KLHL14: variants seen among roughly 807,000 people sequenced by gnomAD.
The protein encoded by KLHL14 is kelch-like protein 14.
In KLHL14, 22 loss-of-function variants were observed where a neutral mutation model predicts 64.3. The ratio of observed to expected loss-of-function variants is 0.34; its 90% CI spans 0.24 to 0.49. The LOEUF is 0.49. Ranked by LOEUF, KLHL14 falls within the 20% of genes least tolerant of loss-of-function variation. The probability of loss-of-function intolerance (pLI) is 0.99; values close to 1 mark genes in which losing one functional copy is unlikely to be tolerated. For missense variants in KLHL14, 661 were observed against 789.0 expected (o/e 0.84, Z 1.94); for synonymous variants, 322 against 333.4 (o/e 0.97, Z 0.37).
Position 32,709,291 on chromosome 18 carries a change from T to C in KLHL14, c.1070-13739A>G, listed in dbSNP as rs188736615. ...GCTCTTCTCTCTGCCTCTGACATGT[T>C]TTTCCTTTGAATATTCTCATGGTTC... is the stretch of plus-strand genomic sequence containing the variant. On this transcript the variant is annotated intron_variant, in intron 3 of 8. Transcript: ENST00000359358. Among the ~76,000 whole-genome samples the C allele has an allele frequency of 3.3e-4, 51 of 152,244 alleles. 1 individual carries two copies. The East Asian group carries it at 9.3e-3, about 28-fold the overall frequency.
In KLHL14 at chr18:32,704,298, A is replaced by G. The variant is rs1192736956; in HGVS notation, c.1070-8746T>C. Among the ~76,000 whole-genome samples, 9 of 152,284 alleles carry G rather than the reference A, an allele frequency of 5.9e-5. 2 individuals are homozygous for G. Among genetic ancestry groups the G allele is most frequent in the Admixed American group, 5.2e-4 (8 of 15,292 alleles). ...AGTTATTGAGGGCAGAAGGAAGGAA[A>G]TGGGTGTGGCCTACATAATGAGGAT... On this transcript the variant is annotated intron_variant, in intron 3 of 8. Transcript: ENST00000359358.
At chr18:32,698,795 C>T (rs1383651142) in intron 3 of KLHL14, among the ~76,000 whole-genome samples, 6 of 152,160 alleles carry the variant, frequency 3.9e-5, no homozygotes, top group Admixed American at 2.0e-4. Context: ...CATTTCATTT[C>T]ATCTCTAAAT....
Position 32,758,186 on chromosome 18 carries a change from G to A in KLHL14, c.947+11459C>T, listed in dbSNP as rs552571948. Among the ~76,000 whole-genome samples, 3 of 151,940 alleles carry A rather than the reference G, an allele frequency of 2.0e-5. No individual in the cohort carries two copies. The South Asian group carries it at 6.2e-4, about 32-fold the overall frequency. On this transcript the variant is annotated intron_variant, in intron 2 of 8. Transcript: ENST00000359358. ...TGCCCAGGCTGGAGTGCAGTGGACC[G>A]ATCACAGCTCACTGCAGCCTCAAAC...
At chr18:32,757,328 A>G (rs1361311769) in intron 2 of KLHL14, among the ~76,000 whole-genome samples, 2 of 152,210 alleles carry the variant, frequency 1.3e-5, no homozygotes, top group Non-Finnish European at 2.9e-5. Flanking sequence ...GTAGCAAAGG[A>G]AAGATGAAAC....
chr18:32,698,289 G>A (rs550365304), intron 3 of KLHL14, among the ~76,000 whole-genome samples: 10 of 152,280 alleles, frequency 6.6e-5, no homozygotes, highest in Non-Finnish European at 1.2e-4. Flanking sequence ...CTCGCAAGCA[G>A]ATAGTGGGGG....
At position 32,761,393 on chromosome 18, in the gene KLHL14, C is replaced by CTTTTTT. The variant is rs10676001; in HGVS notation, c.947+8246_947+8251dup. Among the ~76,000 whole-genome samples, 508 of 127,046 alleles carry CTTTTTT rather than the reference C, an allele frequency of 4.0e-3. 9 individuals are homozygous for CTTTTTT. Among genetic ancestry groups the CTTTTTT allele is most frequent in the Non-Finnish European group, 5.3e-3 (334 of 62,650 alleles). 83.3% of individuals were successfully genotyped at this position (127,046 alleles called of 152,430 possible). A position where few individuals can be genotyped will look rare whatever the true frequency, so the allele number is the denominator to read the frequency against. On this transcript the variant is annotated intron_variant, in intron 2 of 8. Transcript: ENST00000359358. ...CTTGCCACAAATGTAGCCACACATCCTTTTTTTTTTTTTTTTTTTAAGTTC... is the reference window on the plus strand; with the variant it reads ...CTTGCCACAAATGTAGCCACACATCCTTTTTTTTTTTTTTTTTTTTTTTTTAAGTTC...
Position 32,748,731 on chromosome 18 carries a change from C to T in KLHL14, c.948-6682G>A, listed in dbSNP as rs150738564. 4.3e-3 allele frequency among the ~76,000 whole-genome samples: 653 copies of T among 152,120 alleles called. 4 individuals are homozygous for T. Among genetic ancestry groups the T allele is most frequent in the Middle Eastern group, 0.024 (7 of 294 alleles). On this transcript the variant is annotated intron_variant, in intron 2 of 8. Transcript: ENST00000359358. ...TCTCTGCCTCCTGACCTCAAGTGATCCCCCGACCTCGGTCTCCCAAAGTGT... is the reference window on the plus strand; with the variant it reads ...TCTCTGCCTCCTGACCTCAAGTGATTCCCCGACCTCGGTCTCCCAAAGTGT...
At chr18:32,702,556 A>C (rs1395214657) in intron 3 of KLHL14, among the ~76,000 whole-genome samples, 3 of 151,800 alleles carry the variant, frequency 2.0e-5, no homozygotes, top group Non-Finnish European at 4.4e-5. Flanking sequence ...GGCTTGATAG[A>C]TATTATTGAA....
intron 3 of KLHL14, among the ~76,000 whole-genome samples, chr18:32,714,161 A>C (rs574343611): frequency 5.2e-4 from 79 of 152,318 alleles, no homozygotes; most frequent in African/African-American, 1.8e-3. Flanking sequence ...AATGCAATTT[A>C]CTAATTGCAT....
chr18:32,720,932 T>A lies in KLHL14; in HGVS notation c.1069+20996A>T, dbSNP rs568183768. On this transcript the variant is annotated intron_variant, in intron 3 of 8. Transcript: ENST00000359358. Reference sequence around the variant, plus strand: ...ATGTTTATAATGGCCATTACTCTCCTCTTCCATAAGTCTTCCTCTTCTCCC... The same window carrying A: ...ATGTTTATAATGGCCATTACTCTCCACTTCCATAAGTCTTCCTCTTCTCCC... Among the ~76,000 whole-genome samples, 3 of 152,362 alleles carry A rather than the reference T, an allele frequency of 2.0e-5. No homozygotes were observed. The South Asian group carries it at 6.2e-4, about 32-fold the overall frequency.
chr18:32,699,129 C>T (rs2144489204), intron 3 of KLHL14, among the ~76,000 whole-genome samples: 1 of 152,272 alleles, frequency 6.6e-6, no homozygotes, highest in Admixed American at 6.5e-5. Flanking sequence ...CCTCCTTCTA[C>T]CAGAGCAATA....
intron 3 of KLHL14, among the ~76,000 whole-genome samples, chr18:32,717,943 C>T (rs750027340): frequency 2.6e-5 from 4 of 152,204 alleles, no homozygotes; most frequent in Admixed American, 2.0e-4. Context: ...ATCAATTTGG[C>T]CAACCAAGCC....
rs34935950 is a variant in KLHL14, at chr18:32,733,389, GGA to G, written c.1069+8537_1069+8538del. Among the ~76,000 whole-genome samples the G allele has an allele frequency of 6.9e-3, 1,021 of 147,412 alleles. 15 individuals carry two copies. Among genetic ancestry groups the G allele is most frequent in the Admixed American group, 0.029 (423 of 14,754 alleles). On this transcript the variant is annotated intron_variant, in intron 3 of 8. Coordinates refer to ENST00000359358, the MANE Select transcript of KLHL14 (RefSeq NM_020805.3). Reference sequence around the variant, plus strand: ...ACAGAGAGAGAGAAAGAGAGAGAAAGGAGAGAGAGAGAGAGAGAGAGAGAAGG... The same window carrying G: ...ACAGAGAGAGAGAAAGAGAGAGAAAGGAGAGAGAGAGAGAGAGAGAGAAGG...
At chr18:32,754,058 G>A (rs1403547356) in intron 2 of KLHL14, among the ~76,000 whole-genome samples, 1 of 152,220 alleles carries the variant, frequency 6.6e-6, no homozygotes, top group Non-Finnish European at 1.5e-5. Context: ...GAGCAAGCTG[G>A]TGGGGACAAC....
chr18:32,760,815 G>A (rs2050310370), intron 2 of KLHL14, among the ~76,000 whole-genome samples: 1 of 152,168 alleles, frequency 6.6e-6, no homozygotes, highest in African/African-American at 2.4e-5. Context: ...AACTCAACCG[G>A]CCATCATTTT....
intron 3 of KLHL14, among the ~76,000 whole-genome samples, chr18:32,735,363 A>C (rs2050160074): frequency 6.6e-6 from 1 of 152,162 alleles, no homozygotes; most frequent in Non-Finnish European, 1.5e-5. Context: ...CTCTCTTTGC[A>C]TAACTTAAAG....
intron 3 of KLHL14, among the ~76,000 whole-genome samples, chr18:32,699,122 C>T (rs1054749615): frequency 1.3e-4 from 20 of 152,164 alleles, no homozygotes; most frequent in Non-Finnish European, 2.9e-4. Context: ...TTTTACCCCT[C>T]CTTCTACCAG....
At chr18:32,767,504 G>A (rs2050353243) in intron 2 of KLHL14, among the ~76,000 whole-genome samples, 2 of 152,148 alleles carry the variant, frequency 1.3e-5, no homozygotes, top group Non-Finnish European at 2.9e-5. Flanking sequence ...TCAGATTCTT[G>A]CAGCATCCAT....
intron 3 of KLHL14, among the ~76,000 whole-genome samples, chr18:32,729,485 T>G (rs922055658): frequency 1.3e-5 from 2 of 152,200 alleles, no homozygotes; most frequent in South Asian, 2.1e-4. Flanking sequence ...TATTAGCCTG[T>G]GCTAGATGAT....
Sources: gnomAD v4.1 joint callset for allele counts (sites outside exome capture counted in the v4.1 genomes callset) on GRCh38, gnomAD v4.1.1 for gene constraint, MANE v1.5 for transcripts, NCBI Gene and HGNC (gene_info 2026-07-23, HGNC 2026-07-21) for gene names.